USH2A: variants seen among roughly 807,000 people sequenced by gnomAD.
USH2A encodes the protein usherin.
A neutral mutation model predicts 538.9 loss-of-function variants in USH2A; 443 were observed. That is an observed-to-expected ratio of 0.82 (90% CI 0.76 to 0.89). The LOEUF (loss-of-function observed/expected upper bound fraction) is 0.89, where lower values mean the gene tolerates loss of function less well. USH2A is among the 40% of genes least tolerant of loss of function. The pLI is 0.00. For missense variants in USH2A, 6,633 were observed against 6,324.8 expected (o/e 1.05, Z -1.65); for synonymous variants, 2,413 against 2,273.5 (o/e 1.06, Z -1.75).
At chr1:216,329,410 T>C (rs897737300) in intron 4 of USH2A, among the ~76,000 whole-genome samples, 1 of 152,028 alleles carries the variant, frequency 6.6e-6, no homozygotes, top group African/African-American at 2.4e-5. Flanking sequence ...TACATGCAAA[T>C]ACAGCAAAGC....
chr1:216,097,896 C>G (rs192209067), intron 21 of USH2A, among the ~76,000 whole-genome samples: 74 of 152,068 alleles, frequency 4.9e-4, no homozygotes, highest in Admixed American at 4.5e-3. Flanking sequence ...CATCTCCAGC[C>G]CTATGAATGA....
chr1:216,199,481 T>C, intron 17 of USH2A, 146 bp downstream of exon 17: 4 of 1,232,974 alleles, frequency 3.2e-6, no homozygotes, highest in Non-Finnish European at 4.6e-6. Context: ...ACAAATACTA[T>C]CTTATATCTT....
intron 11 of USH2A, among the ~76,000 whole-genome samples, chr1:216,288,764 G>C (rs1438326490): frequency 1.3e-5 from 2 of 152,092 alleles, no homozygotes; most frequent in East Asian, 3.8e-4. Context: ...GTGCATGTAG[G>C]CTAGACATCG....
At chr1:216,190,764 A>G (rs1179439896) in intron 19 of USH2A, among the ~76,000 whole-genome samples, 1 of 151,990 alleles carries the variant, frequency 6.6e-6, no homozygotes, top group African/African-American at 2.4e-5. Context: ...TACCCAAGCT[A>G]TTTGATGGTG....
chr1:215,841,490 A>G (rs777251731), intron 46 of USH2A, among the ~76,000 whole-genome samples: 61 of 152,356 alleles, frequency 4.0e-4, no homozygotes, highest in Admixed American at 1.2e-3. Flanking sequence ...CTGGCTAGCC[A>G]TATGCAGAAA....
intron 21 of USH2A, among the ~76,000 whole-genome samples, chr1:216,109,666 C>T (rs1373701932): frequency 6.6e-6 from 1 of 152,108 alleles, no homozygotes; most frequent in African/African-American, 2.4e-5. Context: ...TCTCTTGACT[C>T]CAGTCAATTT....
At chr1:216,160,444 T>TTAGACAAC (rs2102628208) in intron 21 of USH2A, among the ~76,000 whole-genome samples, 1 of 152,224 alleles carries the variant, frequency 6.6e-6, no homozygotes, top group East Asian at 1.9e-4. Context: ...GAGTTCTAGT[T>TTAGACAAC]TAATCTCACA....
chr1:215,635,666 C>T (rs1173080744), intron 69 of USH2A, among the ~76,000 whole-genome samples: 1 of 151,858 alleles, frequency 6.6e-6, no homozygotes, highest in African/African-American at 2.4e-5. Context: ...AGTGATTCTC[C>T]TGCCTCAGCC....
intron 32 of USH2A, among the ~76,000 whole-genome samples, chr1:216,007,063 T>G (rs2102488626): frequency 6.6e-6 from 1 of 152,234 alleles, no homozygotes. Flanking sequence ...TCTCATGAGA[T>G]CTAATGGTTC....
At chr1:216,366,732 T>A (rs1459875431) in intron 3 of USH2A, among the ~76,000 whole-genome samples, 1 of 152,200 alleles carries the variant, frequency 6.6e-6, no homozygotes, top group Non-Finnish European at 1.5e-5. Context: ...AACTATGTTC[T>A]TTCTTAAATC....
At chr1:216,343,860 C>T (rs560817233) in intron 4 of USH2A, among the ~76,000 whole-genome samples, 3 of 152,044 alleles carry the variant, frequency 2.0e-5, no homozygotes, top group East Asian at 1.9e-4. Flanking sequence ...GTTTTTAATG[C>T]TCACTGCAGT....
intron 9 of USH2A, among the ~76,000 whole-genome samples, chr1:216,319,105 T>C (rs2037561124): frequency 6.6e-6 from 1 of 152,162 alleles, no homozygotes; most frequent in South Asian, 2.1e-4. Flanking sequence ...ACTAGACATA[T>C]TCAGTTCAAG....
At chr1:216,232,257 A>ACCACATT in intron 13 of USH2A, 121 bp from the exon 14 acceptor site, 1 of 1,112,938 alleles carries the variant, frequency 9.0e-7, no homozygotes. Context: ...CCCAATACAA[A>ACCACATT]TGTGGTTATA....
At chr1:215,638,223 G>A (rs999748953) in intron 69 of USH2A, among the ~76,000 whole-genome samples, 18 of 152,000 alleles carry the variant, frequency 1.2e-4, no homozygotes, top group African/African-American at 3.1e-4. Flanking sequence ...TTATGCACGC[G>A]AAGTCATACA....
chr1:216,133,773 T>C (rs1232269596), intron 21 of USH2A, among the ~76,000 whole-genome samples: 1 of 152,172 alleles, frequency 6.6e-6, no homozygotes, highest in Non-Finnish European at 1.5e-5. Context: ...AGGCTTTGTG[T>C]TGAGTTTCCT....
intron 21 of USH2A, among the ~76,000 whole-genome samples, chr1:216,163,909 C>T (rs550740365): frequency 1.3e-5 from 2 of 152,110 alleles, no homozygotes; most frequent in East Asian, 3.9e-4. Context: ...TCCCACAAGT[C>T]CTAGAAGCCT....
chr1:215,947,831 A>T (rs1294116239), intron 37 of USH2A, among the ~76,000 whole-genome samples: 1 of 152,238 alleles, frequency 6.6e-6, no homozygotes, highest in Non-Finnish European at 1.5e-5. Context: ...AATTTAATTC[A>T]GTTTGATGGT....
At chr1:215,756,683 T>C (rs1175822080) in intron 58 of USH2A, among the ~76,000 whole-genome samples, 1 of 152,128 alleles carries the variant, frequency 6.6e-6, no homozygotes, top group Non-Finnish European at 1.5e-5. Flanking sequence ...CCCAGCACTT[T>C]GGGAGGCCAA....
Position 216,249,681 on chromosome 1 carries a change from G to A in USH2A, c.2167+1222C>T, listed in dbSNP as rs111891800. ...TGTTTCTTTAAACCAGAGAAATCTC[G>A]TGTAATGCCACTAAACACACCTACA... On this transcript the variant is annotated intron_variant, in intron 12 of 71. Transcript: ENST00000307340. Among the ~76,000 whole-genome samples, 1,342 of 152,170 alleles carry A rather than the reference G, an allele frequency of 8.8e-3. 18 individuals carry two copies. Among genetic ancestry groups the A allele is most frequent in the African/African-American group, 0.028 (1,178 of 41,524 alleles).
Sources: gnomAD v4.1 joint callset for allele counts (sites outside exome capture counted in the v4.1 genomes callset) on GRCh38, gnomAD v4.1.1 for gene constraint, MANE v1.5 for transcripts, NCBI Gene and HGNC (gene_info 2026-07-23, HGNC 2026-07-21) for gene names.